SLC24A2: variants seen among roughly 807,000 people sequenced by gnomAD.
SLC24A2 encodes the protein sodium/potassium/calcium exchanger 2.
A neutral mutation model predicts 62.0 loss-of-function variants in SLC24A2; 36 were observed. The ratio of observed to expected loss-of-function variants is 0.58; its 90% CI spans 0.44 to 0.77. SLC24A2 has a LOEUF of 0.77. Among genes scored for constraint, SLC24A2 ranks in the 30% least tolerant of loss-of-function variants. The pLI, the probability that SLC24A2 is intolerant of heterozygous loss-of-function variation, is 0.00. For missense variants in SLC24A2, 846 were observed against 817.9 expected (o/e 1.03, Z -0.42); for synonymous variants, 358 against 294.0 (o/e 1.22, Z -2.23).
At chr9:19,706,165 T>C (rs2118560816) in intron 2 of SLC24A2, among the ~76,000 whole-genome samples, 1 of 151,630 alleles carries the variant, frequency 6.6e-6, no homozygotes, top group South Asian at 2.1e-4. Context: ...TCTTGTTGAA[T>C]TGATCCCTTT....
chr9:19,642,939 C>G (rs1376898455), intron 2 of SLC24A2, among the ~76,000 whole-genome samples: 1 of 149,384 alleles, frequency 6.7e-6, no homozygotes, highest in African/African-American at 2.5e-5. Context: ...CTTGGCTTCC[C>G]AAAGTGCTGG....
the SLC24A2 span, among the ~76,000 whole-genome samples, chr9:19,907,745 G>A: frequency 8.5e-5 from 13 of 152,152 alleles, no homozygotes; most frequent in Non-Finnish European, 1.8e-4. Context: ...TTGCTTCAAA[G>A]AGAATAAAAT....
the SLC24A2 span, among the ~76,000 whole-genome samples, chr9:20,216,153 C>T: frequency 0.069 from 10,460 of 152,230 alleles, 453 homozygotes; most frequent in Middle Eastern, 0.12. Flanking sequence ...CTGATATCAA[C>T]GGTGCCTTGG....
the SLC24A2 span, among the ~76,000 whole-genome samples, chr9:20,185,348 T>G: frequency 1.3e-5 from 2 of 151,982 alleles, no homozygotes; most frequent in African/African-American, 2.4e-5. Context: ...CAATATTATT[T>G]GTTAATATAA....
intron 7 of SLC24A2, among the ~76,000 whole-genome samples, chr9:19,551,776 A>C (rs1007128543): frequency 1.8e-4 from 27 of 152,168 alleles, no homozygotes; most frequent in African/African-American, 6.3e-4. Flanking sequence ...GGCCGGGCTC[A>C]CAGCAATGCT....
At chr9:20,251,731 G>C in the SLC24A2 span, among the ~76,000 whole-genome samples, 447 of 152,292 alleles carry the variant, frequency 2.9e-3, no homozygotes, top group Non-Finnish European at 4.3e-3. Context: ...CAGAGATTTA[G>C]AAGTAAACCT....
intron 4 of SLC24A2, among the ~76,000 whole-genome samples, chr9:19,607,876 C>T (rs1251703096): frequency 6.6e-6 from 1 of 152,138 alleles, no homozygotes; most frequent in South Asian, 2.1e-4. Flanking sequence ...TCCCTTATGG[C>T]TCAAATAACA....
chr9:19,776,186 T>C (rs1822840722), intron 2 of SLC24A2, among the ~76,000 whole-genome samples: 2 of 152,198 alleles, frequency 1.3e-5, no homozygotes, highest in Non-Finnish European at 2.9e-5. Context: ...GCTCACAATG[T>C]GAAAAGTGAA....
the SLC24A2 span, among the ~76,000 whole-genome samples, chr9:20,084,629 T>C: frequency 6.6e-6 from 1 of 151,562 alleles, no homozygotes; most frequent in African/African-American, 2.4e-5. Flanking sequence ...TAACAAGACC[T>C]CATTCATTGC....
chr9:19,553,635 G>A (rs551080465), intron 7 of SLC24A2, among the ~76,000 whole-genome samples: 3 of 152,294 alleles, frequency 2.0e-5, no homozygotes, highest in Admixed American at 6.5e-5. Flanking sequence ...GGGCAGAGTA[G>A]GTGGTAGAGA....
the SLC24A2 span, among the ~76,000 whole-genome samples, chr9:19,819,226 G>A: frequency 6.6e-6 from 1 of 152,024 alleles, no homozygotes; most frequent in Non-Finnish European, 1.5e-5. Context: ...TTAAACCTAA[G>A]ACCTAAAACT....
At chr9:20,287,959 A>G in the SLC24A2 span, among the ~76,000 whole-genome samples, 1 of 152,214 alleles carries the variant, frequency 6.6e-6, no homozygotes, top group Non-Finnish European at 1.5e-5. Flanking sequence ...TTTTACACAT[A>G]TTGATTGCAA....
chr9:19,533,834 A>G (rs1035317388), intron 8 of SLC24A2, among the ~76,000 whole-genome samples: 4 of 152,194 alleles, frequency 2.6e-5, no homozygotes, highest in African/African-American at 9.6e-5. Flanking sequence ...TCTAACAAAA[A>G]TCTTCTAACT....
the SLC24A2 span, among the ~76,000 whole-genome samples, chr9:20,244,885 T>C: frequency 6.6e-6 from 1 of 152,250 alleles, no homozygotes; most frequent in African/African-American, 2.4e-5. Context: ...GTGGTTTTGA[T>C]AGAGTGTCAG....
At chr9:19,901,693 G>A in the SLC24A2 span, among the ~76,000 whole-genome samples, 1 of 152,192 alleles carries the variant, frequency 6.6e-6, no homozygotes, top group South Asian at 2.1e-4. Context: ...GGCCCTAGAT[G>A]TCAAAGGCTG....
the SLC24A2 span, among the ~76,000 whole-genome samples, chr9:20,167,052 C>A: frequency 6.6e-6 from 1 of 151,856 alleles, no homozygotes; most frequent in Middle Eastern, 3.2e-3. Flanking sequence ...TAGGCCCAAG[C>A]AATCTATACA....
At chr9:19,834,167 G>A in the SLC24A2 span, among the ~76,000 whole-genome samples, 202 of 152,210 alleles carry the variant, frequency 1.3e-3, no homozygotes, top group African/African-American at 3.7e-3. Flanking sequence ...AAATCAGAGC[G>A]CCTCTCCTCC....
At chr9:20,103,027 GGTGCACCA>G in the SLC24A2 span, among the ~76,000 whole-genome samples, 1 of 152,176 alleles carries the variant, frequency 6.6e-6, no homozygotes, top group Non-Finnish European at 1.5e-5. Context: ...CTTAAAAAAC[GGTGCACCA>G]GGAGATTATA....
At chr9:20,152,124 G>A in the SLC24A2 span, among the ~76,000 whole-genome samples, 1 of 151,874 alleles carries the variant, frequency 6.6e-6, no homozygotes, top group Non-Finnish European at 1.5e-5. Flanking sequence ...ATTTGTGAAA[G>A]CTAACAGAAC....
Sources: allele counts gnomAD v4.1 joint callset (sites outside exome capture counted in the v4.1 genomes callset), GRCh38; gene constraint gnomAD v4.1.1; transcripts MANE v1.5; gene names NCBI Gene and HGNC (gene_info 2026-07-23, HGNC 2026-07-21).